DHX35: variants seen among roughly 807,000 people sequenced by gnomAD.
DHX35 encodes probable ATP-dependent RNA helicase DHX35.
In DHX35, 84 loss-of-function variants were observed where a neutral mutation model predicts 99.6. The observed-to-expected ratio is 0.84, with a 90% confidence interval of 0.71 to 1.01. The LOEUF is 1.01. DHX35 is among the 50% of genes least tolerant of loss of function. DHX35 has a pLI of 0.00. For missense variants in DHX35, 852 were observed against 888.5 expected (o/e 0.96, Z 0.52); for synonymous variants, 331 against 316.2 (o/e 1.05, Z -0.50).
intron 3 of DHX35, among the ~76,000 whole-genome samples, chr20:38,981,943 C>CAAAAAAAAAAA: frequency 1.1e-5 from 1 of 87,284 alleles, no homozygotes; most frequent in Non-Finnish European, 2.4e-5. Flanking sequence ...GACTCTGTCT[C>CAAAAAAAAAAA]AAAAAAAAAA....
chr20:39,019,163 C>A (rs895861337), intron 15 of DHX35, among the ~76,000 whole-genome samples: 1 of 152,140 alleles, frequency 6.6e-6, no homozygotes, highest in Non-Finnish European at 1.5e-5. Context: ...TTGGTAAACA[C>A]AAATTCCTTA....
intron 13 of DHX35, among the ~76,000 whole-genome samples, chr20:39,012,614 C>T (rs1236749182): frequency 6.6e-6 from 1 of 152,058 alleles, no homozygotes; most frequent in East Asian, 1.9e-4. Context: ...ATTGCAACCT[C>T]TGCCTCTTGG....
chr20:39,007,830 C>T (rs1017809547), intron 12 of DHX35, among the ~76,000 whole-genome samples: 2 of 152,204 alleles, frequency 1.3e-5, no homozygotes, highest in African/African-American at 4.8e-5. Context: ...AAGGGAGAGC[C>T]AGGACTGAAA....
chr20:39,039,337 T>C lies in DHX35; in HGVS notation c.*794T>C, dbSNP rs2087208823. On this transcript the variant is annotated 3_prime_UTR_variant, in exon 22 of 22. Transcript: ENST00000252011. ...TCTTTAGCAGGAATTCACAACAGTT[T>C]GGATGCCCTAAACTTCTGTAGCTCA... 1 of 152,694 alleles carries C rather than the reference T, an allele frequency of 6.5e-6. No homozygotes were observed. Among genetic ancestry groups the C allele is most frequent in the Non-Finnish European group, 1.5e-5 (1 of 68,062 alleles). The allele number at this position is 152,694 out of a possible 1,614,324, so 9.5% of individuals were successfully genotyped here.
At position 39,003,731 on chromosome 20, in the gene DHX35, C is replaced by G. The variant is rs1223520608; in HGVS notation, c.853-18C>G. 1 of 1,594,696 alleles carries G rather than the reference C, an allele frequency of 6.3e-7. No individual in the cohort carries two copies. Among genetic ancestry groups the G allele is most frequent in the Non-Finnish European group, 8.6e-7 (1 of 1,165,310 alleles). ...AAATTGATCTCGGTTTCTTTGGTTC[C>G]TGGTTCAACGTCTTTAGGAAGAGGT... is the stretch of plus-strand genomic sequence containing the variant. On this transcript the variant is annotated intron_variant, in intron 10 of 21. Coordinates refer to ENST00000252011, the MANE Select transcript of DHX35 (RefSeq NM_021931.4).
At chr20:38,997,278 C>G (rs2086445823) in intron 8 of DHX35, among the ~76,000 whole-genome samples, 1 of 152,042 alleles carries the variant, frequency 6.6e-6, no homozygotes, top group Non-Finnish European at 1.5e-5. Flanking sequence ...ATCATGTTGG[C>G]CAGGCTGGTC....
intron 1 of DHX35, among the ~76,000 whole-genome samples, chr20:38,963,776 G>T (rs2085870073): frequency 6.6e-6 from 1 of 152,226 alleles, no homozygotes; most frequent in South Asian, 2.1e-4. Flanking sequence ...GACAAATACA[G>T]ATGCTCAGGG....
At chr20:39,026,895 G>T (rs1032151373) in intron 18 of DHX35, among the ~76,000 whole-genome samples, 7 of 152,184 alleles carry the variant, frequency 4.6e-5, no homozygotes, top group African/African-American at 1.7e-4. Flanking sequence ...GTAGATGACA[G>T]CCTTACTTCA....
At chr20:38,996,517 C>T (rs1267797946) in intron 8 of DHX35, among the ~76,000 whole-genome samples, 1 of 152,160 alleles carries the variant, frequency 6.6e-6, no homozygotes, top group Non-Finnish European at 1.5e-5. Flanking sequence ...AGGGCAGTGA[C>T]TTCATCATGT....
chr20:39,006,546 T>C (rs576493239), intron 12 of DHX35, among the ~76,000 whole-genome samples, 190 bp downstream of exon 12: 1 of 152,208 alleles, frequency 6.6e-6, no homozygotes, highest in Non-Finnish European at 1.5e-5. Context: ...CTAGTCCCCA[T>C]TGGCCAAAGC....
At chr20:39,006,694 GT>G (rs1188216759) in intron 12 of DHX35, among the ~76,000 whole-genome samples, 1 of 152,196 alleles carries the variant, frequency 6.6e-6, no homozygotes, top group East Asian at 1.9e-4. Context: ...TTGACTTAAT[GT>G]GCTGTTTTTG....
intron 1 of DHX35, among the ~76,000 whole-genome samples, chr20:38,968,807 C>T (rs535282042): frequency 4.6e-5 from 7 of 152,326 alleles, no homozygotes; most frequent in East Asian, 3.9e-4. Context: ...CCGCCTCGGC[C>T]TCCCAAAGTG....
chr20:38,974,504 A>C (rs1396219172), intron 3 of DHX35, among the ~76,000 whole-genome samples: 1 of 152,216 alleles, frequency 6.6e-6, no homozygotes, highest in Non-Finnish European at 1.5e-5. Flanking sequence ...ATGTGATAGA[A>C]AAGTAAAGAT....
intron 15 of DHX35, among the ~76,000 whole-genome samples, chr20:39,020,656 C>CTCATTTTTTTTTTT (rs2086859319): frequency 9.5e-6 from 1 of 105,218 alleles, no homozygotes. Flanking sequence ...AAACAGGATT[C>CTCATTTTTTTTTTT]TTTTTTTTTT....
At chr20:39,037,016 T>G (rs971787091) in intron 21 of DHX35, among the ~76,000 whole-genome samples, 1 of 152,200 alleles carries the variant, frequency 6.6e-6, no homozygotes, top group Admixed American at 6.5e-5. Context: ...TTGGAGACTT[T>G]CCATCACCAC....
At chr20:39,024,335 T>G (rs762792769) in intron 17 of DHX35, among the ~76,000 whole-genome samples, 11 of 152,150 alleles carry the variant, frequency 7.2e-5, no homozygotes, top group Non-Finnish European at 1.5e-4. Flanking sequence ...GTGATGAAAA[T>G]GATGAAAAAA....
At chr20:39,025,700 A>T (rs16987761) in intron 18 of DHX35, among the ~76,000 whole-genome samples, 2,990 of 152,334 alleles carry the variant, frequency 0.02, 48 homozygotes, top group Middle Eastern at 0.061. Context: ...CAGTGATATT[A>T]GTAGCTATTA....
At chr20:38,994,343 C>T (rs1276303812) in intron 7 of DHX35, among the ~76,000 whole-genome samples, 2 of 151,618 alleles carry the variant, frequency 1.3e-5, no homozygotes, top group African/African-American at 4.8e-5. Flanking sequence ...GTCACTTCTC[C>T]AATGCCTGTT....
At chr20:38,980,511 G>GTTTTTTTTTTTTTTTTTTTTTTTTTT (rs397953645) in intron 3 of DHX35, among the ~76,000 whole-genome samples, 2 of 136,970 alleles carry the variant, frequency 1.5e-5, no homozygotes, top group African/African-American at 5.4e-5. Context: ...TTATAGTTCT[G>GTTTTTTTTTTTTTTTTTTTTTTTTTT]TTTTTTTTTT....
Sources: allele counts gnomAD v4.1 joint callset (sites outside exome capture counted in the v4.1 genomes callset), GRCh38; gene constraint gnomAD v4.1.1; transcripts MANE v1.5; gene names NCBI Gene and HGNC (gene_info 2026-07-23, HGNC 2026-07-21).